The following GOLM2 variants were observed in gnomAD, a reference collection of about 807,000 sequenced individuals.
GOLM2 encodes protein GOLM2.
GOLM2 carries 26 observed loss-of-function variants against 55.9 expected under a neutral mutation model. That is an observed-to-expected ratio of 0.47 (90% confidence interval 0.34 to 0.65). GOLM2 has a LOEUF of 0.65. Among genes scored for constraint, GOLM2 ranks in the 30% least tolerant of loss-of-function variants. The pLI is 0.01. For synonymous variants in GOLM2, 165 were observed against 194.6 expected, an observed-to-expected ratio of 0.85 and a Z score of 1.27; for missense variants, 486 against 531.8, an observed-to-expected ratio of 0.91 and a Z score of 0.85.
intron 6 of GOLM2, among the ~76,000 whole-genome samples, chr15:44,349,224 A>G (rs1346484419): frequency 6.6e-6 from 1 of 150,888 alleles, no homozygotes; most frequent in African/African-American, 2.4e-5. Flanking sequence ...GCGCCATTGC[A>G]CTACAGCCTG....
Position 44,288,887 on chromosome 15 carries a change from C to A in GOLM2, c.-143C>A. The stretch of plus-strand genomic sequence containing the variant: ...GCGGCTTGCGGCCCCGCCCCCTTCT[C>A]CGGCTCGCAGCCGACCGGTAAGCCC... On this transcript the variant is annotated 5_prime_UTR_variant, in exon 1 of 10. Coordinates refer to ENST00000299957, the MANE Select transcript of GOLM2 (RefSeq NM_138423.4). 1.4e-6 allele frequency: 1 copy of A among 721,516 alleles called. No individual in the cohort carries two copies. The highest frequency in any genetic ancestry group is 2.2e-6 in the Non-Finnish European group (1 of 450,762). 44.7% of individuals were successfully genotyped at this position (721,516 alleles called of 1,614,324 possible).
intron 2 of GOLM2, among the ~76,000 whole-genome samples, chr15:44,326,151 A>G (rs185721563): frequency 6.6e-6 from 1 of 151,676 alleles, no homozygotes; most frequent in Non-Finnish European, 1.5e-5. Flanking sequence ...AATCCCAGCA[A>G]CTCAGGAGGC....
At chr15:44,303,753 T>C (rs2141112577) in intron 1 of GOLM2, among the ~76,000 whole-genome samples, 1 of 150,532 alleles carries the variant, frequency 6.6e-6, no homozygotes, top group African/African-American at 2.4e-5. Context: ...TTTTTTTTTT[T>C]TGAGACAGAG....
At chr15:44,351,223 C>T (rs903922432) in intron 6 of GOLM2, among the ~76,000 whole-genome samples, 2 of 151,914 alleles carry the variant, frequency 1.3e-5, no homozygotes, top group African/African-American at 4.8e-5. Flanking sequence ...AAAGGATTCC[C>T]ACTTTAAGCA....
In GOLM2 at chr15:44,378,276, C is replaced by T. The variant is rs550761239; in HGVS notation, c.803-1414C>T. 3.3e-3 allele frequency among the ~76,000 whole-genome samples: 494 copies of T among 150,550 alleles called. 5 individuals carry two copies. The highest frequency in any genetic ancestry group is 0.024 in the Middle Eastern group (7 of 292). ...TTCACGATGTTAGCCAGGTTGGTTT[C>T]GATTTCCTGACCTCGTGAGCCGCCC... is the stretch of plus-strand genomic sequence containing the variant. On this transcript the variant is annotated intron_variant, in intron 6 of 9. Coordinates refer to ENST00000299957, the MANE Select transcript of GOLM2 (RefSeq NM_138423.4).
At chr15:44,356,407 A>T (rs1193295690) in intron 6 of GOLM2, among the ~76,000 whole-genome samples, 1 of 152,184 alleles carries the variant, frequency 6.6e-6, no homozygotes, top group East Asian at 1.9e-4. Context: ...ATCACTACAG[A>T]TCCCATGGAC....
At chr15:44,407,563 G>A (rs2079605884) in intron 9 of GOLM2, among the ~76,000 whole-genome samples, 1 of 151,444 alleles carries the variant, frequency 6.6e-6, no homozygotes, top group Admixed American at 6.6e-5. Flanking sequence ...GGCATGAGCC[G>A]CTGCACCTGG....
intron 8 of GOLM2, among the ~76,000 whole-genome samples, chr15:44,391,976 G>A (rs1176886286): frequency 1.3e-5 from 2 of 151,944 alleles, no homozygotes; most frequent in South Asian, 2.1e-4. Flanking sequence ...TCAGCCTCCC[G>A]AGTAGCTGGG....
intron 8 of GOLM2, among the ~76,000 whole-genome samples, chr15:44,389,284 C>T (rs1334685821): frequency 2.0e-5 from 3 of 152,122 alleles, no homozygotes; most frequent in East Asian, 1.9e-4. Context: ...AATCCCAGCA[C>T]TTTTGGAGGC....
chr15:44,398,833 A>T (rs2141211020), intron 8 of GOLM2, among the ~76,000 whole-genome samples: 1 of 151,618 alleles, frequency 6.6e-6, no homozygotes, highest in Admixed American at 6.6e-5. Context: ...CAGCCAGCTA[A>T]TTTTTTGTAT....
At chr15:44,363,951 C>T (rs1474172067) in intron 6 of GOLM2, among the ~76,000 whole-genome samples, 1 of 151,970 alleles carries the variant, frequency 6.6e-6, no homozygotes, top group East Asian at 1.9e-4. Flanking sequence ...GAACAAAAAA[C>T]CAAACACCGC....
intron 1 of GOLM2, among the ~76,000 whole-genome samples, chr15:44,311,004 G>A (rs1034388648): frequency 6.6e-6 from 1 of 152,116 alleles, no homozygotes; most frequent in Non-Finnish European, 1.5e-5. Context: ...GCGACAGAGT[G>A]AGACTTCATT....
At chr15:44,403,845 G>A (rs1303832994) in intron 9 of GOLM2, among the ~76,000 whole-genome samples, 1 of 152,110 alleles carries the variant, frequency 6.6e-6, no homozygotes, top group South Asian at 2.1e-4. Context: ...AGCAGAGGAA[G>A]GCTATTTTTG....
rs575463966 is a variant in GOLM2 at position 44,321,655 on chromosome 15, A to G, written c.328-1310A>G. 3.3e-5 allele frequency among the ~76,000 whole-genome samples: 5 copies of G among 152,320 alleles called. No individual in the cohort carries two copies. In the East Asian group the frequency reaches 9.6e-4, roughly 29 times the overall value. On this transcript the variant is annotated intron_variant, in intron 1 of 9. Transcript: ENST00000299957. ...GGTTTTGATGTTGTACTGTAGTTAC[A>G]TAAGATGCACCCATTGTGGGAAATT...
chr15:44,340,763 T>C (rs2079085737), intron 6 of GOLM2, among the ~76,000 whole-genome samples: 1 of 152,220 alleles, frequency 6.6e-6, no homozygotes, highest in South Asian at 2.1e-4. Flanking sequence ...TAGATGTTAA[T>C]TTAAAGAAAT....
intron 9 of GOLM2, among the ~76,000 whole-genome samples, chr15:44,411,319 G>A (rs1344930577): frequency 6.6e-6 from 1 of 151,966 alleles, no homozygotes; most frequent in Non-Finnish European, 1.5e-5. Context: ...ACCATGCCTG[G>A]CCTGTTTTGC....
chr15:44,362,991 T>C (rs1047165082), intron 6 of GOLM2, among the ~76,000 whole-genome samples: 1 of 152,192 alleles, frequency 6.6e-6, no homozygotes, highest in Non-Finnish European at 1.5e-5. Flanking sequence ...GCTAGCCATA[T>C]GTAGAAAGCT....
chr15:44,326,654 G>GTT (rs1163555111), intron 2 of GOLM2, among the ~76,000 whole-genome samples: 187 of 133,494 alleles, frequency 1.4e-3, no homozygotes, highest in African/African-American at 4.6e-3. Context: ...TTTATTTATA[G>GTT]TTTTTTTTTT....
intron 8 of GOLM2, among the ~76,000 whole-genome samples, chr15:44,389,686 T>C (rs2079474471): frequency 6.6e-6 from 1 of 152,146 alleles, no homozygotes; most frequent in South Asian, 2.1e-4. Flanking sequence ...AATTTTTGTT[T>C]TGTTTTGTTT....
Sources: allele counts gnomAD v4.1 joint callset (sites outside exome capture counted in the v4.1 genomes callset), GRCh38; gene constraint gnomAD v4.1.1; transcripts MANE v1.5; gene names NCBI Gene and HGNC (gene_info 2026-07-23, HGNC 2026-07-21).